The following EML5 variants were observed in gnomAD, a reference collection of about 807,000 sequenced individuals.
EML5 encodes echinoderm microtubule-associated protein-like 5.
Under a neutral mutation model 250.0 loss-of-function variants are expected in EML5, and 120 were observed. The ratio of observed to expected loss-of-function variants is 0.48; its 90% confidence interval spans 0.41 to 0.56. The LOEUF is 0.56. EML5 is among the 20% of genes least tolerant of loss of function. EML5 has a pLI of 0.00. For missense variants in EML5, 2,006 were observed against 2,437.6 expected (o/e 0.82, Z 3.73); for synonymous variants, 771 against 806.5 (o/e 0.96, Z 0.75).
Position 88,665,402 on chromosome 14 carries a change from G to A in EML5, c.3212C>T (p.Thr1071Ile). ...ATGAAAAGACACAAGATCCTCTAGA[G>A]TATCCGCATTTGCCATTAAGAAGCT... Reference protein sequence around the residue: ...DGSFLMANADTLEDLVSFHHR... With the variant: ...DGSFLMANADILEDLVSFHHR... The change falls in exon 22 of 44, where the codon ACT becomes ATT. Residue 1071 changes from threonine to isoleucine, a missense_variant. Around this residue, in one of 7 missense-constraint regions of EML5, gnomAD observed 1,375 missense variants for 1,590.3 expected, o/e 0.86. Transcript: ENST00000554922. The A allele has an allele frequency of 6.2e-7, 1 of 1,613,954 alleles. No individual in the cohort carries two copies. Among genetic ancestry groups the A allele is most frequent in the Non-Finnish European group, 8.5e-7 (1 of 1,179,890 alleles).
intron 20 of EML5, among the ~76,000 whole-genome samples, chr14:88,682,464 A>G (rs2092734990): frequency 1.3e-5 from 2 of 152,142 alleles, no homozygotes; most frequent in Admixed American, 6.5e-5. Context: ...AGGAGATGCA[A>G]CAAAGGAAGG....
intron 9 of EML5, among the ~76,000 whole-genome samples, chr14:88,714,314 A>G (rs941188536): frequency 3.3e-5 from 5 of 152,214 alleles, no homozygotes; most frequent in Non-Finnish European, 5.9e-5. Flanking sequence ...TCTGTTTTAG[A>G]TCCTCCAGCC....
rs541112667 is a variant in EML5, at chr14:88,737,529, G to A, written c.848-964C>T. 1.6e-4 allele frequency among the ~76,000 whole-genome samples: 24 copies of A among 152,348 alleles called. No homozygotes were observed. In the East Asian group the frequency reaches 1.9e-3, roughly 12 times the overall value. On this transcript the variant is annotated intron_variant, in intron 6 of 43. Transcript: ENST00000554922. ...AGCCCGGGACAGGGGCATTGCGCCC[G>A]CCATGGAGGTCTCCAGCTGGCAAGG...
intron 34 of EML5, chr14:88,627,306 T>G: frequency 2.0e-6 from 1 of 500,388 alleles, no homozygotes; most frequent in South Asian, 3.0e-5. Flanking sequence ...ATCCTGCTGA[T>G]CTGCCATTAT....
chr14:88,695,299 AT>A lies in EML5; in HGVS notation c.2438+61del, dbSNP rs956445918. ...GATTTCAAAATTCTTTTAATTAAAA[AT>A]TTTTTTAAGTCCAAAGTAATTCTAG... On this transcript the variant is annotated intron_variant, in intron 16 of 43. Coordinates refer to ENST00000554922, the MANE Select transcript of EML5 (RefSeq NM_183387.3). 8.6e-4 allele frequency: 1,184 copies of A among 1,375,376 alleles called. 1 individual carries two copies. The highest frequency in any genetic ancestry group is 1.1e-3 in the Non-Finnish European group (1,124 of 1,014,054). The allele number at this position is 1,375,376 out of a possible 1,614,324, so 85.2% of individuals were successfully genotyped here.
chr14:88,710,437 A>G (rs77426015), intron 10 of EML5, among the ~76,000 whole-genome samples: 340 of 152,322 alleles, frequency 2.2e-3, no homozygotes, highest in Admixed American at 3.3e-3. Context: ...AAAATATATT[A>G]ATACACCAGC....
At chr14:88,696,375 G>A (rs1380838131) in intron 15 of EML5, among the ~76,000 whole-genome samples, 1 of 151,928 alleles carries the variant, frequency 6.6e-6, no homozygotes, top group Non-Finnish European at 1.5e-5. Context: ...GCGCTAATAT[G>A]ATCTGAAATT....
intron 27 of EML5, among the ~76,000 whole-genome samples, chr14:88,654,407 TG>T (rs1451020642): frequency 6.6e-6 from 1 of 152,204 alleles, no homozygotes; most frequent in Non-Finnish European, 1.5e-5. Context: ...CTTTCTCCTG[TG>T]GGCATTTAGT....
intron 9 of EML5, among the ~76,000 whole-genome samples, chr14:88,713,478 T>A (rs557095763): frequency 6.6e-6 from 1 of 152,158 alleles, no homozygotes; most frequent in Non-Finnish European, 1.5e-5. Context: ...TTAATTTATT[T>A]ACTTATTTGT....
intron 8 of EML5, among the ~76,000 whole-genome samples, chr14:88,719,277 T>C (rs1286859195): frequency 1.3e-5 from 2 of 152,062 alleles, no homozygotes; most frequent in East Asian, 1.9e-4. Context: ...TCACAGCTAC[T>C]TGGAAGACTG....
chr14:88,738,053 A>G (rs1440300272), intron 6 of EML5, among the ~76,000 whole-genome samples: 1 of 152,128 alleles, frequency 6.6e-6, no homozygotes, highest in East Asian at 1.9e-4. Context: ...GGCCAATATA[A>G]AGACACCGTG....
intron 17 of EML5, among the ~76,000 whole-genome samples, chr14:88,692,382 G>C (rs1303822564): frequency 2.0e-5 from 3 of 151,736 alleles, no homozygotes; most frequent in Non-Finnish European, 4.4e-5. Context: ...GTTTCAAAAA[G>C]AAAAAAAGGA....
At chr14:88,633,131 C>T (rs2090529707) in intron 33 of EML5, among the ~76,000 whole-genome samples, 2 of 152,192 alleles carry the variant, frequency 1.3e-5, no homozygotes, top group African/African-American at 4.8e-5. Context: ...CTGCAGCCCC[C>T]AGATCATGCC....
At position 88,685,409 on chromosome 14, in the gene EML5, A is replaced by G. The variant is rs147161293; in HGVS notation, c.2855-267T>C. 8.5e-4 allele frequency among the ~76,000 whole-genome samples: 130 copies of G among 152,216 alleles called. 3 individuals are homozygous for G. In the East Asian group the frequency reaches 0.024, roughly 28 times the overall value. ...AACAGCTATTTGTTTACCTCTTCTT[A>G]TATTAGCCCTTCCTTATCCATCTCC... On this transcript the variant is annotated intron_variant, in intron 19 of 43. Coordinates refer to ENST00000554922, the MANE Select transcript of EML5 (RefSeq NM_183387.3).
chr14:88,655,082 A>G (rs2091816854), intron 27 of EML5, among the ~76,000 whole-genome samples: 2 of 152,086 alleles, frequency 1.3e-5, no homozygotes, highest in Non-Finnish European at 2.9e-5. Context: ...ATTCAATGCT[A>G]TCCCCATCAA....
intron 1 of EML5, among the ~76,000 whole-genome samples, chr14:88,780,833 A>G (rs1215286569): frequency 6.6e-6 from 1 of 152,190 alleles, no homozygotes; most frequent in Non-Finnish European, 1.5e-5. Flanking sequence ...TTGTCCTCCC[A>G]AAGTGCTGGG....
At chr14:88,650,600 G>A (rs2091573025) in intron 27 of EML5, among the ~76,000 whole-genome samples, 1 of 152,068 alleles carries the variant, frequency 6.6e-6, no homozygotes, top group African/African-American at 2.4e-5. Context: ...CTTTTAAGTG[G>A]ATATTTGATA....
chr14:88,665,250 A>G (rs1441865862), intron 22 of EML5, 87 bp downstream of exon 22: 23 of 1,381,562 alleles, frequency 1.7e-5, no homozygotes, highest in East Asian at 5.0e-5. Context: ...CTGAGATAAC[A>G]TAACAGTTAA....
chr14:88,644,296 T>TA, intron 30 of EML5, 137 bp downstream of exon 30: 2 of 691,212 alleles, frequency 2.9e-6, no homozygotes, highest in Non-Finnish European at 4.8e-6. Context: ...AACTCAGACT[T>TA]ACATAAGAAT....
Sources: gnomAD v4.1 joint callset for allele counts (sites outside exome capture counted in the v4.1 genomes callset) on GRCh38, gnomAD v4.1.1 for gene constraint, gnomAD v4.1.1 regional missense constraint, MANE v1.5 for transcripts, NCBI Gene and HGNC (gene_info 2026-07-23, HGNC 2026-07-21) for gene names.